MMP28: variants seen among roughly 807,000 people sequenced by gnomAD.
MMP28 encodes the protein matrix metalloproteinase-28.
In MMP28, 55 loss-of-function variants were observed where a neutral mutation model predicts 60.5. The ratio of observed to expected loss-of-function variants is 0.91; its 90% CI spans 0.73 to 1.14. The LOEUF is 1.14. Among genes scored for constraint, MMP28 ranks in the 50% most tolerant of loss-of-function variants. The pLI, the probability that MMP28 is intolerant of heterozygous loss-of-function variation, is 0.00. For synonymous variants in MMP28, 318 were observed against 312.5 expected (o/e 1.02, Z -0.18); for missense variants, 686 against 738.3 (o/e 0.93, Z 0.82).
intron 5 of MMP28, 140 bp from the exon 6 acceptor site, chr17:35,768,519 A>G: frequency 1.5e-6 from 1 of 675,704 alleles, no homozygotes; most frequent in Non-Finnish European, 2.3e-6. Context: ...GGGGGTTAAG[A>G]GTTGTTCCTG....
rs200165337 is a variant in MMP28 at position 35,786,699 on chromosome 17, C to CAA, written c.112-7378_112-7377dup. Among the ~76,000 whole-genome samples, 17 of 71,046 alleles carry CAA rather than the reference C, an allele frequency of 2.4e-4. 2 individuals are homozygous for CAA. Among genetic ancestry groups the CAA allele is most frequent in the African/African-American group, 7.0e-4 (11 of 15,762 alleles). The allele number at this position is 71,046 out of a possible 152,430, so 46.6% of individuals were successfully genotyped here. On this transcript the variant is annotated intron_variant, in intron 1 of 7. Coordinates refer to ENST00000605424, the MANE Select transcript of MMP28 (RefSeq NM_024302.5). ...GCCTCATAGTGAGATCCTGTCTCTA[C>CAA]AAAAAAAAAAAAAAAAGATGAATGA...
chr17:35,787,899 CTTTTTTTTTTTT>C (rs532350874), intron 1 of MMP28, among the ~76,000 whole-genome samples: 2 of 104,422 alleles, frequency 1.9e-5, no homozygotes, highest in South Asian at 3.6e-4. Context: ...TTTTCTTTCC[CTTTTTTTTTTTT>C]TTTTTTTTTT....
At position 35,773,324 on chromosome 17, in the gene MMP28, C is replaced by T. The variant is rs751333303; in HGVS notation, c.460G>A (p.Ala154Thr). The T allele has an allele frequency of 4.3e-6, 7 of 1,613,036 alleles. No individual in the cohort carries two copies. The highest frequency in any genetic ancestry group is 2.7e-5 in the African/African-American group (2 of 74,934). ...CACAACTGGAAGGCGGCGCGCACGG[C>T]GCCCCGAACTGCCGGCTCCGGCAGA... ...EHLPEPAVRG[A>T]VRAAFQLWSN... Residue 154 changes from alanine (A) to threonine (T), a missense_variant, in exon 4 of 8, where the codon GCC (alanine) becomes ACC (threonine). By Grantham distance (58) the Ala-to-Thr change is moderately conservative. Transcript: ENST00000605424.
intron 3 of MMP28, among the ~76,000 whole-genome samples, chr17:35,775,485 G>A (rs1555607384): frequency 6.6e-6 from 1 of 152,236 alleles, no homozygotes; most frequent in Admixed American, 6.5e-5. Context: ...GGAAGGGGGA[G>A]GAGAACTAAA....
At chr17:35,793,660 T>C (rs772853222) in intron 1 of MMP28, among the ~76,000 whole-genome samples, 5 of 152,134 alleles carry the variant, frequency 3.3e-5, no homozygotes, top group Non-Finnish European at 5.9e-5. Context: ...ATTCTGCAGT[T>C]TCCCCAAATT....
chr17:35,784,537 A>G (rs1051769200), intron 1 of MMP28, among the ~76,000 whole-genome samples: 8 of 151,954 alleles, frequency 5.3e-5, no homozygotes, highest in Non-Finnish European at 1.2e-4. Flanking sequence ...TCTGTGAGGC[A>G]TTTTTCATGC....
chr17:35,777,247 C>G (rs970232548), intron 3 of MMP28, among the ~76,000 whole-genome samples: 5 of 152,244 alleles, frequency 3.3e-5, no homozygotes, highest in African/African-American at 9.6e-5. Context: ...CTCTGTTCTA[C>G]CAGTGCCTCT....
At position 35,770,280 on chromosome 17, in the gene MMP28, G is replaced by C. The variant is rs770434341; in HGVS notation, c.637C>G (p.Arg213Gly). The change falls in exon 5 of 8, where the codon CGC (arginine) becomes GGC (glycine). Residue 213 changes from arginine (R) to glycine (G), a missense_variant. Arg to Gly is a moderately radical substitution (Grantham distance 125). Transcript: ENST00000605424. ...TCTTGGTCGAAGTGCGCTTCGCCGC[G>C]GCGGGGCAGGAAGGCGTGCGCCAGG... ...GALAHAFLPR[R>G]GEAHFDQDER... 3.6e-5 allele frequency: 56 copies of C among 1,556,474 alleles called. No individual in the cohort carries two copies. Among genetic ancestry groups the C allele is most frequent in the South Asian group, 1.2e-5 (1 of 85,642 alleles).
chr17:35,789,123 G>A (rs188727121), intron 1 of MMP28, among the ~76,000 whole-genome samples: 127 of 152,252 alleles, frequency 8.3e-4, no homozygotes, highest in Non-Finnish European at 1.1e-3. Context: ...GTTACATTGT[G>A]TGCACAGAGG....
intron 1 of MMP28, among the ~76,000 whole-genome samples, chr17:35,785,642 T>C (rs1022362340): frequency 1.3e-5 from 2 of 151,836 alleles, no homozygotes; most frequent in Non-Finnish European, 2.9e-5. Context: ...AGAGATGGGG[T>C]TTCACCGTTT....
downstream of MMP28, chr17:35,764,165 G>A (rs892924759): frequency 8.3e-5 from 129 of 1,548,714 alleles, no homozygotes; most frequent in Non-Finnish European, 1.1e-4. Flanking sequence ...GCGGGTAGCG[G>A]AGGAGGGCGA....
intron 3 of MMP28, chr17:35,778,609 C>T (rs2086401876): frequency 1.7e-6 from 1 of 595,686 alleles, no homozygotes; most frequent in Non-Finnish European, 2.8e-6. Flanking sequence ...GTTTATCTGC[C>T]CTGCATTGAA....
intron 2 of MMP28, chr17:35,760,793 G>A (rs1302983305): frequency 1.3e-5 from 11 of 874,798 alleles, no homozygotes; most frequent in Non-Finnish European, 2.1e-5. Flanking sequence ...AATTATTCCT[G>A]GGCAGAGCCT....
intron 3 of MMP28, among the ~76,000 whole-genome samples, chr17:35,773,611 C>G (rs2086238809): frequency 6.6e-6 from 1 of 152,220 alleles, no homozygotes; most frequent in African/African-American, 2.4e-5. Context: ...GAGGACTCCC[C>G]TTACCCTGGA....
chr17:35,783,387 C>T (rs2086561763), intron 1 of MMP28, among the ~76,000 whole-genome samples: 1 of 152,236 alleles, frequency 6.6e-6, no homozygotes, highest in South Asian at 2.1e-4. Context: ...ATGGCAGTTA[C>T]ACCTCTGTTC....
rs1555604140 is a variant in MMP28, at chr17:35,767,922, G to A, written c.1001-3C>T. On this transcript the variant is annotated splice_polypyrimidine_tract_variant and splice_region_variant and intron_variant, in intron 6 of 7. Transcript: ENST00000605424. Reference sequence around the variant, plus strand: ...AATGTACAGTTGCTGTTGCCTGTCTGCCCAGAGACAAGAGAGAGTTGAGGA... The same window carrying A: ...AATGTACAGTTGCTGTTGCCTGTCTACCCAGAGACAAGAGAGAGTTGAGGA... The A allele has an allele frequency of 6.4e-7, 1 of 1,572,266 alleles. No individual in the cohort carries two copies. The highest frequency in any genetic ancestry group is 2.2e-5 in the East Asian group (1 of 44,558).
At chr17:35,760,013 C>T (rs1192717029) in intron 2 of MMP28, among the ~76,000 whole-genome samples, 3 of 152,278 alleles carry the variant, frequency 2.0e-5, no homozygotes, top group Non-Finnish European at 2.9e-5. Flanking sequence ...CTTGTGACTA[C>T]GAGATTCCTG....
intron 3 of MMP28, among the ~76,000 whole-genome samples, 158 bp from the exon 4 acceptor site, chr17:35,773,562 G>C (rs1392375622): frequency 6.6e-6 from 1 of 152,180 alleles, no homozygotes; most frequent in Non-Finnish European, 1.5e-5. Flanking sequence ...CCCTTTGACT[G>C]GGGCGATACT....
intron 7 of MMP28, among the ~76,000 whole-genome samples, chr17:35,767,447 C>A (rs1052310728): frequency 1.3e-5 from 2 of 152,226 alleles, no homozygotes; most frequent in African/African-American, 4.8e-5. Context: ...TCCAACCCCA[C>A]ACAGCTAGGA....
Sources: gnomAD v4.1 joint callset for allele counts (sites outside exome capture counted in the v4.1 genomes callset) on GRCh38, gnomAD v4.1.1 for gene constraint, MANE v1.5 for transcripts, NCBI Gene and HGNC (gene_info 2026-07-23, HGNC 2026-07-21) for gene names.